The following TMOD1 variants were observed in gnomAD, a reference collection of about 807,000 sequenced individuals.
TMOD1 encodes tropomodulin 1.
Under a neutral mutation model 40.6 loss-of-function variants are expected in TMOD1, and 17 were observed. That is an observed-to-expected ratio of 0.42 (90% confidence interval 0.29 to 0.63). The LOEUF (loss-of-function observed/expected upper bound fraction) is 0.63, where lower values mean the gene tolerates loss of function less well. TMOD1 is among the 20% of genes least tolerant of loss of function. The pLI is 0.22. For synonymous variants in TMOD1, 181 were observed against 175.0 expected (o/e 1.03, Z -0.27); for missense variants, 391 against 447.6 (o/e 0.87, Z 1.14).
chr9:97,583,336 T>A lies in TMOD1; in HGVS notation c.871-7955T>A, dbSNP rs1712703404. ...TTGTGTATATTGAACCAGCCTTGCATCCCAGGGATGAAGCCCACTTGATCA... is the reference window on the plus strand; with the variant it reads ...TTGTGTATATTGAACCAGCCTTGCAACCCAGGGATGAAGCCCACTTGATCA... On this transcript the variant is annotated intron_variant, in intron 8 of 9. Coordinates refer to ENST00000259365, the MANE Select transcript of TMOD1 (RefSeq NM_003275.4). 1.9e-4 allele frequency among the ~76,000 whole-genome samples: 28 copies of A among 146,948 alleles called. No individual in the cohort carries two copies. The South Asian group carries it at 5.9e-3, about 31-fold the overall frequency.
At position 97,574,948 on chromosome 9, in the gene TMOD1, T is replaced by C. The variant is rs146591737; in HGVS notation, c.870+5911T>C. 1.3e-3 allele frequency among the ~76,000 whole-genome samples: 200 copies of C among 152,276 alleles called. 2 individuals are homozygous for C. Among genetic ancestry groups the C allele is most frequent in the South Asian group, 1.0e-3 (5 of 4,822 alleles). On this transcript the variant is annotated intron_variant, in intron 8 of 9. Coordinates refer to ENST00000259365, the MANE Select transcript of TMOD1 (RefSeq NM_003275.4). ...ACAGACCAACCAGCTCTCTATAAAA[T>C]GGACCAGTCGGCTCTCTGTAAAATG...
chr9:97,544,400 G>A (rs143284122), intron 2 of TMOD1, among the ~76,000 whole-genome samples: 1 of 151,968 alleles, frequency 6.6e-6, no homozygotes, highest in Non-Finnish European at 1.5e-5. Context: ...GCCAGGTGTG[G>A]TGGCATGCGC....
Position 97,568,921 on chromosome 9 carries a change from A to G in TMOD1, c.754A>G (p.Lys252Glu). ...YALAEMLKENKVLKTLNVESN... is the reference protein window; with the variant it reads ...YALAEMLKENEVLKTLNVESN... ...CCTTGCTGAGATGCTCAAGGAGAACAAGGTGTTGAAGACACTGAATGTGGA... is the reference window on the plus strand; with the variant it reads ...CCTTGCTGAGATGCTCAAGGAGAACGAGGTGTTGAAGACACTGAATGTGGA... The change falls in exon 8 of 10, where the codon AAG (lysine) becomes GAG (glutamate). Residue 252 changes from lysine to glutamate, a missense_variant. Transcript: ENST00000259365. 1 of 1,614,170 alleles carries G rather than the reference A, an allele frequency of 6.2e-7. No homozygotes were observed. Among genetic ancestry groups the G allele is most frequent in the African/African-American group, 1.3e-5 (1 of 75,048 alleles).
Position 97,591,293 on chromosome 9 carries a change from C to T in TMOD1, c.873C>T (p.Ser291=). The change falls in exon 9 of 10, where the codon AGC becomes AGT. Residue 291 remains serine (S), a splice_region_variant and synonymous_variant. Coordinates refer to ENST00000259365, the MANE Select transcript of TMOD1 (RefSeq NM_003275.4). Reference sequence around the variant, plus strand: ...TTTTTATTTTTTCTTGACTAAAGAGCCAGCCCCTGGGCAACAAAGTGGAAA... The same window carrying T: ...TTTTTATTTTTTCTTGACTAAAGAGTCAGCCCCTGGGCAACAAAGTGGAAA... ...SLVEMKIDNQ[S]QPLGNKVEME... is the part of the protein sequence containing the mutation. 6.2e-7 allele frequency: 1 copy of T among 1,613,260 alleles called. No homozygotes were observed. Among genetic ancestry groups the T allele is most frequent in the Non-Finnish European group, 8.5e-7 (1 of 1,179,730 alleles).
At chr9:97,518,076 G>GCTGCCCCAACAC (rs1422791042) in intron 1 of TMOD1, among the ~76,000 whole-genome samples, 1 of 152,150 alleles carries the variant, frequency 6.6e-6, no homozygotes, top group Non-Finnish European at 1.5e-5. Context: ...CTTCACCACA[G>GCTGCCCCAACAC]CTGCCCCAAC....
chr9:97,595,716 T>TA (rs1826096619), intron 9 of TMOD1, among the ~76,000 whole-genome samples: 1 of 151,976 alleles, frequency 6.6e-6, no homozygotes, highest in Non-Finnish European at 1.5e-5. Flanking sequence ...ATATTTTGGG[T>TA]AAATATCCAG....
chr9:97,543,477 C>T (rs1830306819), intron 2 of TMOD1, among the ~76,000 whole-genome samples: 1 of 152,224 alleles, frequency 6.6e-6, no homozygotes, highest in South Asian at 2.1e-4. Context: ...GTGCTGAGCA[C>T]ATTTTCTGCA....
chr9:97,542,792 G>A (rs1830293305), intron 2 of TMOD1, among the ~76,000 whole-genome samples: 1 of 148,334 alleles, frequency 6.7e-6, no homozygotes, highest in African/African-American at 2.5e-5. Flanking sequence ...AGAAGTTGCA[G>A]TGAGCCGAGA....
chr9:97,521,481 C>T (rs767260283), intron 1 of TMOD1, among the ~76,000 whole-genome samples: 2 of 152,272 alleles, frequency 1.3e-5, no homozygotes, highest in African/African-American at 4.8e-5. Context: ...CTCTTGGCCC[C>T]AGCACAGAGA....
At chr9:97,571,215 G>A (rs763338015) in intron 8 of TMOD1, among the ~76,000 whole-genome samples, 3 of 152,224 alleles carry the variant, frequency 2.0e-5, no homozygotes, top group Non-Finnish European at 2.9e-5. Context: ...AACTCCCAGG[G>A]CAGAATGTCA....
intron 3 of TMOD1, among the ~76,000 whole-genome samples, chr9:97,552,564 G>T (rs1222844625): frequency 6.6e-6 from 1 of 152,194 alleles, no homozygotes; most frequent in Non-Finnish European, 1.5e-5. Context: ...AAATGTTGTT[G>T]AGTAAATAAA....
intron 9 of TMOD1, among the ~76,000 whole-genome samples, chr9:97,596,473 T>C (rs140533895): frequency 1.3e-5 from 2 of 152,352 alleles, no homozygotes; most frequent in African/African-American, 4.8e-5. Flanking sequence ...CACTAGCTCA[T>C]GTAGTCCTCC....
Position 97,591,395 on chromosome 9 carries a change from G to A in TMOD1, c.975G>A (p.Arg325=). 4 of 1,614,188 alleles carry A rather than the reference G, an allele frequency of 2.5e-6. No individual in the cohort carries two copies. The South Asian group carries it at 3.3e-5, about 13-fold the overall frequency. ...FGYHFTQQGP[R]LRASNAMMNN... Reference sequence around the variant, plus strand: ...ACCACTTTACCCAGCAAGGACCCCGGCTTCGGGCATCCAACGCAATGATGA... The same window carrying A: ...ACCACTTTACCCAGCAAGGACCCCGACTTCGGGCATCCAACGCAATGATGA... Residue 325 remains arginine (R), a synonymous_variant, in exon 9 of 10, where the codon CGG becomes CGA. Transcript: ENST00000259365.
chr9:97,591,614 G>T (rs1826003693), intron 9 of TMOD1, among the ~76,000 whole-genome samples, 179 bp downstream of exon 9: 1 of 152,148 alleles, frequency 6.6e-6, no homozygotes, highest in South Asian at 2.1e-4. Context: ...TGGACTACGA[G>T]CTCCTTGACT....
intron 4 of TMOD1, among the ~76,000 whole-genome samples, chr9:97,559,750 G>A (rs1455926737): frequency 7.7e-6 from 1 of 129,112 alleles, no homozygotes; most frequent in African/African-American, 3.0e-5. Context: ...GTGCCACAGA[G>A]CGAGACTCCG....
chr9:97,527,448 T>TA (rs1830034207), intron 2 of TMOD1, among the ~76,000 whole-genome samples: 1 of 152,206 alleles, frequency 6.6e-6, no homozygotes. Context: ...GATTAACTCT[T>TA]ACTGGTGCAA....
intron 8 of TMOD1, among the ~76,000 whole-genome samples, chr9:97,587,788 C>G (rs960291050): frequency 6.6e-6 from 1 of 152,202 alleles, no homozygotes; most frequent in Non-Finnish European, 1.5e-5. Flanking sequence ...AACCACTAAC[C>G]TCCTTTCCAT....
At chr9:97,568,457 A>G (rs1204385942) in intron 7 of TMOD1, among the ~76,000 whole-genome samples, 1 of 152,208 alleles carries the variant, frequency 6.6e-6, no homozygotes, top group Non-Finnish European at 1.5e-5. Flanking sequence ...GAATGTCAGC[A>G]AGAGTTCTTG....
At chr9:97,529,532 G>A (rs1481270085) in intron 2 of TMOD1, among the ~76,000 whole-genome samples, 1 of 146,542 alleles carries the variant, frequency 6.8e-6, no homozygotes, top group African/African-American at 2.6e-5. Flanking sequence ...ACTTGTGCAC[G>A]TTAAAAAAAA....
Sources: gnomAD v4.1 joint callset for allele counts (sites outside exome capture counted in the v4.1 genomes callset) on GRCh38, gnomAD v4.1.1 for gene constraint, MANE v1.5 for transcripts, NCBI Gene and HGNC (gene_info 2026-07-23, HGNC 2026-07-21) for gene names.